FGF13: variants seen among roughly 807,000 people sequenced by gnomAD.
FGF13 encodes the protein fibroblast growth factor 13.
FGF13 carries 2 observed loss-of-function variants against 19.5 expected under a neutral mutation model. That is an observed-to-expected ratio of 0.10 (90% CI 0.04 to 0.32). The LOEUF is 0.32. FGF13 is among the 10% of genes least tolerant of loss of function. The probability of loss-of-function intolerance (pLI) is 1.00; values close to 1 mark genes in which losing one functional copy is unlikely to be tolerated. For synonymous variants in FGF13, 72 were observed against 76.9 expected (o/e 0.94, Z 0.33); for missense variants, 113 against 192.7 (o/e 0.59, Z 2.45).
intron 2 of FGF13, among the ~76,000 whole-genome samples, chrX:138,706,716 T>G (rs1386808051): frequency 9.0e-6 from 1 of 111,588 alleles, no homozygotes; most frequent in Non-Finnish European, 1.9e-5. Flanking sequence ...AAAAAAAGAA[T>G]ACATTTGGAT....
chrX:138,661,117 C>T (rs1476196922), intron 3 of FGF13, among the ~76,000 whole-genome samples: 2 of 111,341 alleles, frequency 1.8e-5, no homozygotes, highest in African/African-American at 6.5e-5. Flanking sequence ...TAACAAGTGA[C>T]CCAAACTACG....
intron 1 of FGF13, among the ~76,000 whole-genome samples, chrX:139,162,036 A>C (rs769967857): frequency 8.9e-6 from 1 of 112,242 alleles, no homozygotes; most frequent in East Asian, 2.8e-4. Context: ...TCACACAATT[A>C]GAAAAAACTA....
At chrX:138,689,963 C>A (rs1665113184) in intron 3 of FGF13, among the ~76,000 whole-genome samples, 1 of 111,738 alleles carries the variant, frequency 8.9e-6, no homozygotes, top group Non-Finnish European at 1.9e-5. Flanking sequence ...GAAAGCAGAA[C>A]TTTTTTGTTC....
At chrX:138,985,041 G>A (rs1366886108) in intron 1 of FGF13, 5 of 369,969 alleles carry the variant, frequency 1.4e-5, no homozygotes, top group Admixed American at 1.3e-4. Flanking sequence ...TCCTCCTGAA[G>A]AACTCAAATG....
chrX:138,683,288 T>C (rs2089746833), intron 3 of FGF13, among the ~76,000 whole-genome samples: 1 of 110,726 alleles, frequency 9.0e-6, no homozygotes, highest in African/African-American at 3.3e-5. Context: ...AAAAAATGTT[T>C]GAAGATGGGG....
chrX:139,094,923 A>G (rs5976272), intron 1 of FGF13, among the ~76,000 whole-genome samples: 26,070 of 111,489 alleles, frequency 0.23, 2,788 homozygotes, highest in African/African-American at 0.42. Context: ...GCTGCCAATT[A>G]GTGGAGTAAG....
At chrX:138,676,275 C>G (rs1437237007) in intron 3 of FGF13, among the ~76,000 whole-genome samples, 1 of 110,691 alleles carries the variant, frequency 9.0e-6, no homozygotes, top group Non-Finnish European at 1.9e-5. Flanking sequence ...ATGCCTGGCC[C>G]CACCAAGCCT....
At chrX:138,877,088 G>C (rs1171705352) in intron 1 of FGF13, among the ~76,000 whole-genome samples, 4 of 111,541 alleles carry the variant, frequency 3.6e-5, no homozygotes, top group Non-Finnish European at 7.5e-5. Context: ...CACCAGGTGG[G>C]GAACAACACA....
intron 3 of FGF13, among the ~76,000 whole-genome samples, chrX:138,796,844 G>T (rs891911629): frequency 8.9e-6 from 1 of 111,931 alleles, no homozygotes; most frequent in Non-Finnish European, 1.9e-5. Context: ...TTTGTTGGCC[G>T]CATAAATGTC....
intron 1 of FGF13, among the ~76,000 whole-genome samples, chrX:139,022,835 G>A (rs2092183553): frequency 9.0e-6 from 1 of 111,263 alleles, no homozygotes; most frequent in African/African-American, 3.3e-5. Flanking sequence ...GAAATGAATA[G>A]CACACTCTTC....
At chrX:139,177,427 G>C (rs1292527475) in intron 1 of FGF13, among the ~76,000 whole-genome samples, 3 of 110,292 alleles carry the variant, frequency 2.7e-5, no homozygotes, top group Non-Finnish European at 3.8e-5. Flanking sequence ...TTACATTTAA[G>C]GTTAATATTG....
intron 1 of FGF13, among the ~76,000 whole-genome samples, chrX:138,946,808 G>C (rs1485501795): frequency 8.9e-6 from 1 of 112,142 alleles, no homozygotes; most frequent in Non-Finnish European, 1.9e-5. Flanking sequence ...TAGGTAGAAA[G>C]AGCATCCTAA....
chrX:139,028,869 A>G (rs139996891), intron 1 of FGF13, among the ~76,000 whole-genome samples: 17 of 110,357 alleles, frequency 1.5e-4, no homozygotes, highest in African/African-American at 5.3e-4. Context: ...TGCCAAATAC[A>G]TAAATTCTTA....
intron 1 of FGF13, among the ~76,000 whole-genome samples, chrX:139,120,618 AC>A (rs930230951): frequency 8.9e-6 from 1 of 112,024 alleles, no homozygotes; most frequent in Non-Finnish European, 1.9e-5. Context: ...TTATTAAACC[AC>A]CCACCAGAAA....
rs2089211124 is a variant in FGF13 at position 138,638,679 on chromosome X, T to A, written c.403-3024A>T. 2.7e-5 allele frequency among the ~76,000 whole-genome samples: 3 copies of A among 112,118 alleles called. No homozygotes were observed. In the Admixed American group the frequency reaches 2.8e-4, roughly 11 times the overall value. On this transcript the variant is annotated intron_variant, in intron 3 of 4. Transcript: ENST00000315930. ...TGAATTTCAGAGATTCAGATTTAAA[T>A]ATTGGAAATTCTAGGACTCAGAATT...
chrX:138,914,835 T>C (rs1158978296), intron 1 of FGF13, among the ~76,000 whole-genome samples: 8 of 111,550 alleles, frequency 7.2e-5, no homozygotes, highest in Non-Finnish European at 1.5e-4. Flanking sequence ...GAAAATCCAC[T>C]GGGTTGTTTC....
At chrX:139,011,376 A>G (rs2124373730) in intron 1 of FGF13, among the ~76,000 whole-genome samples, 1 of 109,627 alleles carries the variant, frequency 9.1e-6, no homozygotes, top group South Asian at 3.8e-4. Context: ...AAAAAAAAAA[A>G]AAAAGAAGAA....
chrX:138,805,568 G>C (rs921763274), intron 3 of FGF13, among the ~76,000 whole-genome samples: 12 of 111,496 alleles, frequency 1.1e-4, no homozygotes, highest in Non-Finnish European at 1.1e-4. Flanking sequence ...TCAATCATCT[G>C]CTAAGTAGTT....
chrX:138,843,481 G>A (rs1234350041), intron 3 of FGF13, among the ~76,000 whole-genome samples: 1 of 112,201 alleles, frequency 8.9e-6, no homozygotes, highest in South Asian at 3.7e-4. Flanking sequence ...AATGCTGCTA[G>A]AGGTAGGTCC....
Sources: gnomAD v4.1 joint callset for allele counts (sites outside exome capture counted in the v4.1 genomes callset) on GRCh38, gnomAD v4.1.1 for gene constraint, MANE v1.5 for transcripts, NCBI Gene and HGNC (gene_info 2026-07-23, HGNC 2026-07-21) for gene names.